Variants in DLG3 observed in about 807,000 individuals in gnomAD.
DLG3 encodes disks large homolog 3.
A neutral mutation model predicts 64.1 loss-of-function variants in DLG3; 1 was observed. The observed-to-expected ratio is 0.02, with a 90% confidence interval of 0.01 to 0.07. DLG3 has a LOEUF of 0.07. DLG3 is among the 10% of genes least tolerant of loss of function. The pLI is 1.00. For missense variants in DLG3, 429 were observed against 669.5 expected (o/e 0.64, Z 3.96); for synonymous variants, 245 against 259.8 (o/e 0.94, Z 0.55).
intron 9 of DLG3, among the ~76,000 whole-genome samples, chrX:70,459,296 G>A (rs896490779): frequency 8.9e-6 from 1 of 112,627 alleles, no homozygotes; most frequent in Non-Finnish European, 1.9e-5. Flanking sequence ...TGCTGAATAA[G>A]CATACTTTTA....
chrX:70,472,424 G>A (rs998848123), intron 9 of DLG3, among the ~76,000 whole-genome samples: 1 of 111,147 alleles, frequency 9.0e-6, no homozygotes, highest in African/African-American at 3.3e-5. Flanking sequence ...ATGTGGTGGC[G>A]GGCACCTGTA....
At chrX:70,451,818 A>C (rs772254196) in intron 6 of DLG3, 49 bp from the exon 7 acceptor site, 1 of 1,197,941 alleles carries the variant, frequency 8.3e-7, no homozygotes, top group Non-Finnish European at 1.1e-6. Flanking sequence ...AGTTTGGGGT[A>C]CCTCCCTGGA....
intron 13 of DLG3, 21 bp downstream of exon 13, chrX:70,495,474 G>A (rs760113220): frequency 3.3e-5 from 39 of 1,192,606 alleles, no homozygotes; most frequent in African/African-American, 1.1e-4. Flanking sequence ...CTTACACACC[G>A]TTCACTGTAC....
At chrX:70,479,077 C>T in intron 9 of DLG3, 73 bp from the exon 10 acceptor site, 11 of 991,936 alleles carry the variant, frequency 1.1e-5, no homozygotes, top group Middle Eastern at 2.6e-4. Context: ...GGCTTTTTGG[C>T]TGCTGGCATG....
rs1392008637 is a variant in DLG3, at chrX:70,499,044, G to A, written c.1871-132G>A. 9 of 496,140 alleles carry A rather than the reference G, an allele frequency of 1.8e-5. No individual in the cohort carries two copies. The East Asian group carries it at 3.3e-4, about 18-fold the overall frequency. 40.9% of individuals were successfully genotyped at this position (496,140 alleles called of 1,213,427 possible). On this transcript the variant is annotated intron_variant, in intron 14 of 18. Transcript: ENST00000374360. The stretch of plus-strand genomic sequence containing the variant: ...TTGATGTCTTTCTGTTTAAAAGCCA[G>A]ACAATGTCTGAGGATGCTTTACCCT...
chrX:70,491,927 CG>C (rs766407847), intron 10 of DLG3, among the ~76,000 whole-genome samples, 179 bp from the exon 11 acceptor site: 4 of 111,498 alleles, frequency 3.6e-5, no homozygotes, highest in Non-Finnish European at 7.5e-5. Context: ...TCTTTGAAAG[CG>C]GGTGCATATT....
chrX:70,462,243 CTTTTTTTTTT>C (rs141689653), intron 9 of DLG3, among the ~76,000 whole-genome samples: 3 of 46,984 alleles, frequency 6.4e-5, no homozygotes, highest in Non-Finnish European at 1.0e-4. Context: ...TTCTTTCTTT[CTTTTTTTTTT>C]TTTTTTTTTT....
chrX:70,448,910 T>C lies in DLG3; in HGVS notation c.358-3T>C, dbSNP rs775064494. On this transcript the variant is annotated splice_region_variant and splice_polypyrimidine_tract_variant and intron_variant, in intron 1 of 18. Coordinates refer to ENST00000374360, the MANE Select transcript of DLG3 (RefSeq NM_021120.4). ...TAAGGGAACTGCCTGTGTCTCCCCCTAGGTGAATGGCAGTGATGGCATGTT... is the reference window on the plus strand; with the variant it reads ...TAAGGGAACTGCCTGTGTCTCCCCCCAGGTGAATGGCAGTGATGGCATGTT... The C allele has an allele frequency of 3.4e-5, 41 of 1,206,582 alleles. No homozygotes were observed. In the South Asian group the frequency reaches 7.2e-4, roughly 21 times the overall value.
In DLG3 at chrX:70,502,288, TC is replaced by T. The variant is rs749306456; in HGVS notation, c.*20del. On this transcript the variant is annotated 3_prime_UTR_variant, in exon 19 of 19. Coordinates refer to ENST00000374360, the MANE Select transcript of DLG3 (RefSeq NM_021120.4). ...ACTCTGAAGAATCCCCTCCAACCATTCTCTTGTGAACAGAAGAAATCAAGTC... is the reference window on the plus strand; with the variant it reads ...ACTCTGAAGAATCCCCTCCAACCATTTCTTGTGAACAGAAGAAATCAAGTC... The T allele has an allele frequency of 2.7e-6, 3 of 1,104,342 alleles. No homozygotes were observed. The highest frequency in any genetic ancestry group is 3.7e-6 in the Non-Finnish European group (3 of 800,395). The allele number at this position is 1,104,342 out of a possible 1,213,427, so 91.0% of individuals were successfully genotyped here.
At chrX:70,500,429 G>T in intron 16 of DLG3, 42 bp from the exon 17 acceptor site, 1 of 1,067,173 alleles carries the variant, frequency 9.4e-7, no homozygotes, top group Non-Finnish European at 1.3e-6. Flanking sequence ...GGGACTTGGT[G>T]AATAGGGAGT....
At chrX:70,453,932 T>C (rs2086657538) in intron 8 of DLG3, 139 bp downstream of exon 8, 3 of 617,475 alleles carry the variant, frequency 4.9e-6, no homozygotes, top group Non-Finnish European at 7.4e-6. Context: ...CTTGTTTTTA[T>C]AGACATCCTT....
At chrX:70,497,076 G>C in intron 13 of DLG3, 1 of 850,231 alleles carries the variant, frequency 1.2e-6, no homozygotes, top group Non-Finnish European at 1.7e-6. Context: ...GCCTGACTCA[G>C]TTGGCAGCTC....
chrX:70,460,420 T>G (rs1212489766), intron 9 of DLG3, among the ~76,000 whole-genome samples: 1 of 110,057 alleles, frequency 9.1e-6, no homozygotes, highest in African/African-American at 3.3e-5. Flanking sequence ...AGAAGGAAAG[T>G]GGATTTAGGA....
chrX:70,493,985 C>T (rs1012303891), intron 12 of DLG3, among the ~76,000 whole-genome samples: 2 of 112,278 alleles, frequency 1.8e-5, no homozygotes, highest in Admixed American at 9.4e-5. Context: ...ATCCCATGCA[C>T]GTGCATAAGC....
intron 17 of DLG3, 133 bp downstream of exon 17, chrX:70,500,713 T>C (rs1248822584): frequency 1.5e-6 from 1 of 685,136 alleles, no homozygotes. Flanking sequence ...TGGGCGCTCC[T>C]GTTTTGAGGG....
Position 70,452,427 on chromosome X carries a change from C to G in DLG3, c.1145+401C>G, listed in dbSNP as rs913426973. 36 of 949,375 alleles carry G rather than the reference C, an allele frequency of 3.8e-5. No individual in the cohort carries two copies. In the African/African-American group the frequency reaches 7.3e-4, roughly 19 times the overall value. The allele number at this position is 949,375 out of a possible 1,213,427, so 78.2% of individuals were successfully genotyped here. On this transcript the variant is annotated intron_variant, in intron 7 of 18. Transcript: ENST00000374360. ...CCGGTGGGGCTGGCGGGACTCTGAC[C>G]GGCCCGGTGGCCTCGCCGGCAACGG... is the stretch of plus-strand genomic sequence containing the variant.
At chrX:70,497,140 G>T (rs773972510) in intron 13 of DLG3, 6 of 1,183,114 alleles carry the variant, frequency 5.1e-6, no homozygotes, top group African/African-American at 1.8e-5. Flanking sequence ...CCTCTCAGTG[G>T]TGTGTTCTGA....
chrX:70,486,669 T>TCC (rs1555969133), intron 10 of DLG3, among the ~76,000 whole-genome samples: 2 of 102,031 alleles, frequency 2.0e-5, no homozygotes, highest in Non-Finnish European at 4.0e-5. Flanking sequence ...TTTTTTTTTT[T>TCC]CATGCTCACT....
intron 9 of DLG3, among the ~76,000 whole-genome samples, chrX:70,461,063 TTC>T (rs2086794161): frequency 8.9e-6 from 1 of 112,361 alleles, no homozygotes; most frequent in African/African-American, 3.2e-5. Context: ...ATGTTTATAT[TTC>T]TCTTGAGTAT....
Sources: gnomAD v4.1 joint callset for allele counts (sites outside exome capture counted in the v4.1 genomes callset) on GRCh38, gnomAD v4.1.1 for gene constraint, MANE v1.5 for transcripts, NCBI Gene and HGNC (gene_info 2026-07-23, HGNC 2026-07-21) for gene names.